TCERG1L: variants seen among roughly 807,000 people sequenced by gnomAD.
The protein encoded by TCERG1L is transcription elongation regulator 1-like protein.
A neutral mutation model predicts 56.3 loss-of-function variants in TCERG1L; 37 were observed. That is an observed-to-expected ratio of 0.66 (90% CI 0.51 to 0.87). TCERG1L has a LOEUF of 0.87. Ranked by LOEUF, TCERG1L falls within the 40% of genes least tolerant of loss-of-function variation. The pLI, the probability that TCERG1L is intolerant of heterozygous loss-of-function variation, is 0.00. For missense variants in TCERG1L, 799 were observed against 774.2 expected, an observed-to-expected ratio of 1.03 and a Z score of -0.38; for synonymous variants, 324 against 326.3, an observed-to-expected ratio of 0.99 and a Z score of 0.08.
chr10:131,278,675 T>C (rs1846420380), intron 3 of TCERG1L, among the ~76,000 whole-genome samples: 1 of 152,178 alleles, frequency 6.6e-6, no homozygotes, highest in Non-Finnish European at 1.5e-5. Flanking sequence ...AGAACGATCA[T>C]GTCTCTTCCC....
intron 3 of TCERG1L, among the ~76,000 whole-genome samples, chr10:131,264,219 C>T (rs1440347669): frequency 6.6e-6 from 1 of 152,102 alleles, no homozygotes; most frequent in East Asian, 1.9e-4. Context: ...ATCCCTGAAG[C>T]TCCTCCTACC....
At chr10:131,224,611 C>A (rs570478668) in intron 4 of TCERG1L, among the ~76,000 whole-genome samples, 15 of 152,142 alleles carry the variant, frequency 9.9e-5, no homozygotes, top group Non-Finnish European at 1.6e-4. Flanking sequence ...CTAAGCTGTG[C>A]GGCCTGGGGA....
intron 4 of TCERG1L, among the ~76,000 whole-genome samples, chr10:131,257,986 T>C (rs957438108): frequency 5.9e-5 from 9 of 152,224 alleles, no homozygotes; most frequent in Non-Finnish European, 1.0e-4. Flanking sequence ...AGTTTGAATA[T>C]AGAGCAAACT....
intron 2 of TCERG1L, 104 bp downstream of exon 2, chr10:131,309,049 T>C: frequency 7.3e-7 from 1 of 1,377,470 alleles, no homozygotes. Flanking sequence ...AGATGGCCAA[T>C]TTATGGCAAC....
At chr10:131,300,350 T>C (rs1846747697) in intron 3 of TCERG1L, among the ~76,000 whole-genome samples, 1 of 152,194 alleles carries the variant, frequency 6.6e-6, no homozygotes, top group Non-Finnish European at 1.5e-5. Context: ...CTCCTTGCCC[T>C]TTTCAGACTT....
intron 3 of TCERG1L, among the ~76,000 whole-genome samples, chr10:131,270,428 C>T (rs1165394751): frequency 6.6e-6 from 1 of 152,248 alleles, no homozygotes. Context: ...TGAGATAAGA[C>T]AGGTCCAGCC....
chr10:131,131,497 T>C (rs1488550081), intron 8 of TCERG1L, among the ~76,000 whole-genome samples: 1 of 152,152 alleles, frequency 6.6e-6, no homozygotes, highest in Non-Finnish European at 1.5e-5. Context: ...TCCCTCTAAA[T>C]AGTAAATAAC....
At chr10:131,257,671 G>C (rs959406023) in intron 4 of TCERG1L, among the ~76,000 whole-genome samples, 7 of 151,210 alleles carry the variant, frequency 4.6e-5, no homozygotes, top group Non-Finnish European at 8.9e-5. Context: ...GCTGCCTGGG[G>C]GTTGTAGGAT....
intron 7 of TCERG1L, 68 bp from the exon 8 acceptor site, chr10:131,134,516 G>T: frequency 8.2e-7 from 1 of 1,224,942 alleles, no homozygotes; most frequent in Non-Finnish European, 1.2e-6. Flanking sequence ...ACCACCAGGT[G>T]ACACTCACTT....
intron 4 of TCERG1L, among the ~76,000 whole-genome samples, chr10:131,236,521 G>A (rs1845914525): frequency 6.6e-6 from 1 of 152,198 alleles, no homozygotes; most frequent in Admixed American, 6.5e-5. Flanking sequence ...GTCTTTGAAG[G>A]TGAAGTTCCA....
intron 5 of TCERG1L, 31 bp downstream of exon 5, chr10:131,166,766 C>G (rs1300372882): frequency 6.2e-7 from 1 of 1,608,550 alleles, no homozygotes; most frequent in Non-Finnish European, 8.5e-7. Context: ...GGTTTTGTGT[C>G]TTTAACACAC....
intron 8 of TCERG1L, among the ~76,000 whole-genome samples, chr10:131,123,054 C>T (rs1004773879): frequency 5.3e-5 from 8 of 152,230 alleles, no homozygotes; most frequent in East Asian, 3.9e-4. Context: ...TAGAACCCAC[C>T]GGCCCCACAC....
Position 131,222,444 on chromosome 10 carries a change from T to A in TCERG1L, c.856+37815A>T, listed in dbSNP as rs151258958. The stretch of plus-strand genomic sequence containing the variant: ...TTCAGCACCCTGAGAGGGATGCATC[T>A]CTCTATTGGCAGATGTGAAACTCAA... On this transcript the variant is annotated intron_variant, in intron 4 of 11. Coordinates refer to ENST00000368642, the MANE Select transcript of TCERG1L (RefSeq NM_174937.4). 5.0e-3 allele frequency among the ~76,000 whole-genome samples: 766 copies of A among 152,286 alleles called. 5 individuals carry two copies. The highest frequency in any genetic ancestry group is 0.017 in the African/African-American group (712 of 41,546).
rs1415073868 is a variant in TCERG1L at position 131,260,941 on chromosome 10, G to A, written c.671-497C>T. Reference sequence around the variant, plus strand: ...CACCAGGCTCAGCTGGGCCCTGCAGGGAGAGGGCGGAGAGGTTTCCAGAGG... The same window carrying A: ...CACCAGGCTCAGCTGGGCCCTGCAGAGAGAGGGCGGAGAGGTTTCCAGAGG... On this transcript the variant is annotated intron_variant, in intron 3 of 11. Coordinates refer to ENST00000368642, the MANE Select transcript of TCERG1L (RefSeq NM_174937.4). This position sits in a 1 kb window ranked among gnomAD's most constrained non-coding sequence, Gnocchi z 5.8. Among the ~76,000 whole-genome samples the A allele has an allele frequency of 6.6e-6, 1 of 152,080 alleles. No individual in the cohort carries two copies. Among genetic ancestry groups the A allele is most frequent in the Non-Finnish European group, 1.5e-5 (1 of 68,010 alleles).
At position 131,166,886 on chromosome 10, in the gene TCERG1L, C is replaced by A. The variant is rs1287534058; in HGVS notation, c.857-1G>T. On this transcript the variant is annotated splice_acceptor_variant, in intron 4 of 11. Coordinates refer to ENST00000368642, the MANE Select transcript of TCERG1L (RefSeq NM_174937.4). LOFTEE classifies it high-confidence loss of function. ...ACTCGGCCCCGCTCTGTCCTTGTATCTGTTGGGCCAAAGCAGTTGTCATTA... is the reference window on the plus strand; with the variant it reads ...ACTCGGCCCCGCTCTGTCCTTGTATATGTTGGGCCAAAGCAGTTGTCATTA... The A allele has an allele frequency of 6.2e-7, 1 of 1,609,314 alleles. No individual in the cohort carries two copies. The highest frequency in any genetic ancestry group is 8.5e-7 in the Non-Finnish European group (1 of 1,179,114).
At chr10:131,155,122 G>A (rs888809411) in intron 6 of TCERG1L, among the ~76,000 whole-genome samples, 10 of 152,112 alleles carry the variant, frequency 6.6e-5, no homozygotes, top group Admixed American at 5.2e-4. Flanking sequence ...GAAGTGAGAC[G>A]GTGGACAAGC....
intron 4 of TCERG1L, among the ~76,000 whole-genome samples, chr10:131,181,447 T>C (rs927819573): frequency 6.6e-6 from 1 of 152,230 alleles, no homozygotes; most frequent in African/African-American, 2.4e-5. Flanking sequence ...ACCTACCTTC[T>C]CTGAGATTCA....
At chr10:131,244,649 G>A (rs1215431702) in intron 4 of TCERG1L, among the ~76,000 whole-genome samples, 1 of 152,148 alleles carries the variant, frequency 6.6e-6, no homozygotes, top group Non-Finnish European at 1.5e-5. Flanking sequence ...TAACGCCCAG[G>A]GTGCCGTGGA....
At chr10:131,182,684 C>CA (rs1845193500) in intron 4 of TCERG1L, among the ~76,000 whole-genome samples, 1 of 152,228 alleles carries the variant, frequency 6.6e-6, no homozygotes, top group Non-Finnish European at 1.5e-5. Flanking sequence ...TGTTAGTCTT[C>CA]AAAAAGCTCA....
Sources: gnomAD v4.1 joint callset for allele counts (sites outside exome capture counted in the v4.1 genomes callset) on GRCh38, gnomAD v4.1.1 for gene constraint, Gnocchi (gnomAD v3.1) non-coding constraint, MANE v1.5 for transcripts, NCBI Gene and HGNC (gene_info 2026-07-23, HGNC 2026-07-21) for gene names.